The following MEIG1 variants were observed in gnomAD, a reference collection of about 807,000 sequenced individuals.
The protein encoded by MEIG1 is meiosis expressed gene 1 protein homolog.
A neutral mutation model predicts 11.3 loss-of-function variants in MEIG1; 12 were observed. The ratio of observed to expected loss-of-function variants is 1.07; its 90% CI spans 0.68 to 1.73. MEIG1 has a LOEUF of 1.73. MEIG1 is among the 40% of genes most tolerant of loss of function. MEIG1 has a pLI of 0.00. For missense variants in MEIG1, 119 were observed against 104.9 expected, an observed-to-expected ratio of 1.13 and a Z score of -0.59; for synonymous variants, 41 against 33.2, an observed-to-expected ratio of 1.24 and a Z score of -0.81.
chr10:14,958,697 T>C (rs892863850), upstream of MEIG1, among the ~76,000 whole-genome samples: 8 of 151,950 alleles, frequency 5.3e-5, no homozygotes, highest in Non-Finnish European at 1.2e-4. Context: ...GAGATCGAGA[T>C]CATCCTGGCT....
chr10:14,967,308 C>G (rs939594075), intron 2 of MEIG1, among the ~76,000 whole-genome samples: 4 of 151,382 alleles, frequency 2.6e-5, no homozygotes, highest in African/African-American at 9.8e-5. Context: ...GGTTAAAATC[C>G]TGTGGTTTTT....
At chr10:14,987,546 T>C in intron 2 of MEIG1, 2 of 649,836 alleles carry the variant, frequency 3.1e-6, no homozygotes. Flanking sequence ...ATCTTTACAC[T>C]TGCAGACCAT....
chr10:14,965,925 T>C (rs993703426), intron 1 of MEIG1, among the ~76,000 whole-genome samples: 20 of 152,172 alleles, frequency 1.3e-4, no homozygotes, highest in African/African-American at 4.8e-4. Context: ...TTGGGGTTTT[T>C]TTTGTTTGTT....
At chr10:14,975,646 C>T (rs534431000), downstream of MEIG1, among the ~76,000 whole-genome samples, 12 of 152,084 alleles carry the variant, frequency 7.9e-5, no homozygotes, top group East Asian at 7.7e-4. Flanking sequence ...AGGGTGTGTA[C>T]AGCCCCCCTG....
In MEIG1 at chr10:14,982,979, T is replaced by G. The variant is rs569337472; in HGVS notation, n.67-3817T>G. Among the ~76,000 whole-genome samples, 4 of 152,086 alleles carry G rather than the reference T, an allele frequency of 2.6e-5. No individual in the cohort carries two copies. The East Asian group carries it at 7.7e-4, about 29-fold the overall frequency. ...AATCTGAGCACTTTTTATGAGCAATTATTTCTTAATATTAATATTAATATT... is the reference window on the plus strand; with the variant it reads ...AATCTGAGCACTTTTTATGAGCAATGATTTCTTAATATTAATATTAATATT... On this transcript the variant is annotated intron_variant and non_coding_transcript_variant, in intron 1 of 2. Transcript: ENST00000467536.
chr10:14,976,291 T>A (rs1843209516), downstream of MEIG1, among the ~76,000 whole-genome samples: 1 of 151,878 alleles, frequency 6.6e-6, no homozygotes, highest in South Asian at 2.1e-4. Context: ...TAATTACATA[T>A]TATTCATCGG....
At chr10:14,980,475 G>A (rs1564509435) in intron 1 of MEIG1, among the ~76,000 whole-genome samples, 1 of 151,954 alleles carries the variant, frequency 6.6e-6, no homozygotes, top group African/African-American at 2.4e-5. Context: ...CCCTAATATC[G>A]CAGGGGCTGT....
chr10:14,981,593 T>C (rs372905414), intron 1 of MEIG1, among the ~76,000 whole-genome samples: 3,690 of 151,862 alleles, frequency 0.024, 69 homozygotes, highest in South Asian at 0.047. Flanking sequence ...TCAATGTCTC[T>C]ACCCCCGACA....
chr10:14,974,676 C>T (rs1165043013), downstream of MEIG1, among the ~76,000 whole-genome samples: 4 of 151,514 alleles, frequency 2.6e-5, no homozygotes, highest in South Asian at 6.2e-4. Context: ...AAATCAATAG[C>T]GATAATAATG....
chr10:14,960,043 C>T (rs1842994555), intron 1 of MEIG1, among the ~76,000 whole-genome samples: 1 of 152,196 alleles, frequency 6.6e-6, no homozygotes, highest in Non-Finnish European at 1.5e-5. Context: ...GACCGCCGGG[C>T]GTGCTTTCGG....
chr10:14,964,585 G>GTGTGTGTGTGTATATA (rs1378376059), intron 1 of MEIG1, among the ~76,000 whole-genome samples: 4 of 93,042 alleles, frequency 4.3e-5, no homozygotes, highest in African/African-American at 1.6e-4. Context: ...GTGTGTGTGT[G>GTGTGTGTGTGTATATA]TATATATATA....
At chr10:14,979,859 C>T (rs1328913972) in intron 1 of MEIG1, among the ~76,000 whole-genome samples, 2 of 151,970 alleles carry the variant, frequency 1.3e-5, no homozygotes, top group East Asian at 3.8e-4. Context: ...AGTGGGTGTA[C>T]ACACTGTGAT....
chr10:14,966,971 T>G (rs1843092099), intron 2 of MEIG1, among the ~76,000 whole-genome samples: 1 of 152,088 alleles, frequency 6.6e-6, no homozygotes, highest in Non-Finnish European at 1.5e-5. Context: ...TGACCTCAAG[T>G]GATCCACGCG....
chr10:14,983,245 C>T (rs12262026), intron 1 of MEIG1, among the ~76,000 whole-genome samples: 18,726 of 151,922 alleles, frequency 0.12, 1,298 homozygotes, highest in Middle Eastern at 0.23. Context: ...GTGCATCCAC[C>T]CGGTGATATT....
At chr10:14,985,976 C>T in intron 1 of MEIG1, among the ~76,000 whole-genome samples, 1 of 152,024 alleles carries the variant, frequency 6.6e-6, no homozygotes, top group African/African-American at 2.4e-5. Flanking sequence ...ACACAGTGTG[C>T]ACACCCTGTG....
downstream of MEIG1, among the ~76,000 whole-genome samples, chr10:14,977,854 T>C (rs1347310478): frequency 6.6e-6 from 1 of 151,956 alleles, no homozygotes; most frequent in East Asian, 1.9e-4. Context: ...GAGGTATTCC[T>C]TCTAATATCA....
chr10:14,961,915 C>T (rs1843018987), intron 1 of MEIG1, among the ~76,000 whole-genome samples: 1 of 151,960 alleles, frequency 6.6e-6, no homozygotes, highest in Non-Finnish European at 1.5e-5. Flanking sequence ...TCAAACAATC[C>T]TCCCACCTTA....
chr10:14,973,504 C>G (rs765104623), downstream of MEIG1, among the ~76,000 whole-genome samples: 2 of 152,132 alleles, frequency 1.3e-5, no homozygotes, highest in African/African-American at 2.4e-5. Flanking sequence ...GCACAGTGAC[C>G]CACACCTAAA....
intron 2 of MEIG1, chr10:14,970,674 G>A (rs535665073): frequency 6.6e-6 from 1 of 152,338 alleles, no homozygotes; most frequent in African/African-American, 2.4e-5. Context: ...TAATTCATAA[G>A]TAAATGAGAT....
Sources: allele counts gnomAD v4.1 joint callset (sites outside exome capture counted in the v4.1 genomes callset), GRCh38; gene constraint gnomAD v4.1.1; transcripts MANE v1.5; gene names NCBI Gene and HGNC (gene_info 2026-07-23, HGNC 2026-07-21).